PRIM2: variants seen among roughly 807,000 people sequenced by gnomAD.
The protein encoded by PRIM2 is DNA primase large subunit.
PRIM2 carries 39 observed loss-of-function variants against 67.3 expected under a neutral mutation model. That is an observed-to-expected ratio of 0.58 (90% CI 0.45 to 0.76). The LOEUF is 0.76. PRIM2 is among the 30% of genes least tolerant of loss of function. PRIM2 has a pLI of 0.00. For synonymous variants in PRIM2, 143 were observed against 198.7 expected, an observed-to-expected ratio of 0.72 and a Z score of 2.36; for missense variants, 398 against 598.7, an observed-to-expected ratio of 0.66 and a Z score of 3.50.
chr6:57,573,876 T>C (rs1775912267), intron 10 of PRIM2, among the ~76,000 whole-genome samples: 1 of 152,150 alleles, frequency 6.6e-6, no homozygotes, highest in African/African-American at 2.4e-5. Context: ...AAGCCCAAAA[T>C]TGAACTTCAG....
chr6:57,378,858 G>T (rs1769864700), intron 5 of PRIM2, among the ~76,000 whole-genome samples: 1 of 152,038 alleles, frequency 6.6e-6, no homozygotes, highest in African/African-American at 2.4e-5. Context: ...AAATAATATA[G>T]CCTGTTTTAC....
chr6:57,644,955 G>GA (rs1299538764), intron 13 of PRIM2, among the ~76,000 whole-genome samples: 4 of 152,074 alleles, frequency 2.6e-5, no homozygotes, highest in Non-Finnish European at 4.4e-5. Flanking sequence ...TAGTATTTGA[G>GA]AAAAAATAAC....
At chr6:57,540,043 T>C (rs1397178239) in intron 10 of PRIM2, among the ~76,000 whole-genome samples, 2 of 152,014 alleles carry the variant, frequency 1.3e-5, no homozygotes, top group Non-Finnish European at 2.9e-5. Flanking sequence ...TTTTAATGCA[T>C]GCTGTGAAAT....
chr6:57,293,909 T>C, the PRIM2 span, among the ~76,000 whole-genome samples: 1 of 152,138 alleles, frequency 6.6e-6, no homozygotes, highest in South Asian at 2.1e-4. Context: ...GGCACATGTA[T>C]ACCTATTTAA....
intron 10 of PRIM2, among the ~76,000 whole-genome samples, chr6:57,552,263 G>A (rs1179748179): frequency 1.3e-5 from 2 of 152,188 alleles, no homozygotes; most frequent in East Asian, 1.9e-4. Flanking sequence ...AGCTCACTGC[G>A]TCTCTGCTCT....
intron 13 of PRIM2, among the ~76,000 whole-genome samples, chr6:57,638,518 A>G (rs1777162865): frequency 6.7e-6 from 1 of 150,114 alleles, no homozygotes; most frequent in African/African-American, 2.4e-5. Flanking sequence ...TCACAGGCAA[A>G]GACACACATA....
chr6:57,475,687 C>A (rs1773460392), intron 7 of PRIM2, among the ~76,000 whole-genome samples: 1 of 152,178 alleles, frequency 6.6e-6, no homozygotes, highest in Non-Finnish European at 1.5e-5. Flanking sequence ...ACATAATAGG[C>A]CCAGAGCATG....
chr6:57,293,472 C>A, the PRIM2 span, among the ~76,000 whole-genome samples: 11 of 152,192 alleles, frequency 7.2e-5, no homozygotes, highest in Non-Finnish European at 1.5e-4. Context: ...TTGACCCAGC[C>A]ATCCCATTAC....
chr6:57,376,602 G>A (rs1769773648), intron 5 of PRIM2, among the ~76,000 whole-genome samples: 2 of 152,226 alleles, frequency 1.3e-5, no homozygotes, highest in South Asian at 2.1e-4. Context: ...AAGCTATTAC[G>A]ATTTTATTTG....
intron 7 of PRIM2, among the ~76,000 whole-genome samples, chr6:57,436,977 G>A (rs1361920770): frequency 1.3e-5 from 2 of 152,142 alleles, no homozygotes; most frequent in Non-Finnish European, 2.9e-5. Context: ...AAATACTCGA[G>A]ACTGGGTAAT....
chr6:57,537,603 A>G lies in PRIM2; in HGVS notation c.998A>G (p.Lys333Arg). The change falls in exon 10 of 14, where the codon AAA (lysine) becomes AGA (arginine). Residue 333 changes from lysine to arginine, a missense_variant. Physicochemically the swap from Lys to Arg is conservative, Grantham distance 26. Transcript: ENST00000615550. ...ALQFWKQEFI[K>R]GKMDPDKFDK... ...CAGTTCTGGAAGCAAGAATTTATCAAAGGAAAGATGGATCCAGACAAGGTA... is the reference window on the plus strand; with the variant it reads ...CAGTTCTGGAAGCAAGAATTTATCAGAGGAAAGATGGATCCAGACAAGGTA... 2 of 1,557,502 alleles carry G rather than the reference A, an allele frequency of 1.3e-6. No homozygotes were observed. Among genetic ancestry groups the G allele is most frequent in the Admixed American group, 1.8e-5 (1 of 54,490 alleles).
At chr6:57,597,741 G>T (rs1776391179) in intron 10 of PRIM2, among the ~76,000 whole-genome samples, 1 of 152,102 alleles carries the variant, frequency 6.6e-6, no homozygotes, top group Non-Finnish European at 1.5e-5. Flanking sequence ...GTTGCTCTTA[G>T]TATGAGCCCA....
intron 7 of PRIM2, among the ~76,000 whole-genome samples, chr6:57,502,332 C>T (rs1774150153): frequency 6.6e-6 from 1 of 152,130 alleles, no homozygotes; most frequent in East Asian, 1.9e-4. Flanking sequence ...CTCACCCTTC[C>T]CTTTGCAGTT....
chr6:57,367,281 A>G (rs1447046439), intron 5 of PRIM2, among the ~76,000 whole-genome samples: 1 of 151,928 alleles, frequency 6.6e-6, no homozygotes, highest in Non-Finnish European at 1.5e-5. Context: ...TTCCTTTTTT[A>G]TTTTCTATTT....
the PRIM2 span, among the ~76,000 whole-genome samples, chr6:57,237,797 C>G: frequency 6.6e-6 from 1 of 152,256 alleles, no homozygotes; most frequent in Non-Finnish European, 1.5e-5. Flanking sequence ...GTACCAGTAC[C>G]ATGCTGTTTT....
At chr6:57,334,891 C>A (rs1420255715) in intron 5 of PRIM2, among the ~76,000 whole-genome samples, 1 of 152,212 alleles carries the variant, frequency 6.6e-6, no homozygotes, top group Non-Finnish European at 1.5e-5. Context: ...CTCCGGTCTA[C>A]AGCTCCCAGC....
intron 7 of PRIM2, among the ~76,000 whole-genome samples, chr6:57,500,217 T>G (rs1774103306): frequency 2.0e-5 from 3 of 152,310 alleles, no homozygotes; most frequent in Admixed American, 2.0e-4. Context: ...CTCTTCATCT[T>G]GGATCCCTAG....
At chr6:57,545,038 A>G (rs1204923816) in intron 10 of PRIM2, among the ~76,000 whole-genome samples, 2 of 152,168 alleles carry the variant, frequency 1.3e-5, no homozygotes, top group South Asian at 2.1e-4. Context: ...CTAACAAGTT[A>G]TAGAATTTAA....
intron 10 of PRIM2, among the ~76,000 whole-genome samples, chr6:57,569,882 T>C (rs1231960794): frequency 6.6e-6 from 1 of 152,154 alleles, no homozygotes; most frequent in African/African-American, 2.4e-5. Flanking sequence ...TAGCTGGGAC[T>C]ACAGGCACGT....
Sources: gnomAD v4.1 joint callset for allele counts (sites outside exome capture counted in the v4.1 genomes callset) on GRCh38, gnomAD v4.1.1 for gene constraint, MANE v1.5 for transcripts, NCBI Gene and HGNC (gene_info 2026-07-23, HGNC 2026-07-21) for gene names.